RYR1: variants seen among roughly 807,000 people sequenced by gnomAD.
RYR1 encodes ryanodine receptor 1, also known as central core disease of muscle.
RYR1 carries 342 observed loss-of-function variants against 583.5 expected under a neutral mutation model. That is an observed-to-expected ratio of 0.59 (90% CI 0.54 to 0.64). The LOEUF (loss-of-function observed/expected upper bound fraction) is 0.64. Among genes scored for constraint, RYR1 ranks in the 30% least tolerant of loss-of-function variants. RYR1 has a pLI of 0.00. For synonymous variants in RYR1, 2,791 were observed against 2,822.5 expected (o/e 0.99, Z 0.35); for missense variants, 6,032 against 6,917.2 (o/e 0.87, Z 4.54).
At position 38,455,713 on chromosome 19, in the gene RYR1, A is replaced by C. The variant is rs200770015; in HGVS notation, c.1753A>C (p.Ile585Leu). The change falls in exon 16 of 106, where the codon ATC (isoleucine) becomes CTC (leucine). Residue 585 changes from isoleucine to leucine, a missense_variant. Physicochemically the swap from Ile to Leu is conservative, Grantham distance 5 (BLOSUM62 2). Coordinates refer to ENST00000359596, the MANE Select transcript of RYR1 (RefSeq NM_000540.3). ...NIIQENHIKS[I>L]ISLLDKHGRN... ...CATCCAGGAGAATCACATCAAGTCC[A>C]TCATCTCCCTCCTGGACAAGCATGG... 6.2e-7 allele frequency: 1 copy of C among 1,613,506 alleles called. No homozygotes were observed. Among genetic ancestry groups the C allele is most frequent in the Non-Finnish European group, 8.5e-7 (1 of 1,179,638 alleles).
chr19:38,524,868 G>A (rs550928981), intron 70 of RYR1, among the ~76,000 whole-genome samples: 23 of 152,148 alleles, frequency 1.5e-4, no homozygotes, highest in Non-Finnish European at 2.5e-4. Flanking sequence ...TTGTACTGGG[G>A]TTCCTAGGGG....
At chr19:38,517,847 C>T (rs748386434) in intron 66 of RYR1, among the ~76,000 whole-genome samples, 156 bp downstream of exon 66, 1 of 152,076 alleles carries the variant, frequency 6.6e-6, no homozygotes, top group East Asian at 1.9e-4. Flanking sequence ...AGCTGGGCAC[C>T]GTGGCTCACA....
In RYR1 at chr19:38,525,317, C is replaced by T. The variant is rs1164147308; in HGVS notation, c.10456-15C>T. 2 of 1,613,756 alleles carry T rather than the reference C, an allele frequency of 1.2e-6. No individual in the cohort carries two copies. The highest frequency in any genetic ancestry group is 1.1e-5 in the South Asian group (1 of 91,078). On this transcript the variant is annotated splice_polypyrimidine_tract_variant and intron_variant, in intron 70 of 105. Transcript: ENST00000359596. ...ATTGGGGCTTGGGCTGGTGCTGAGC[C>T]CTGTGTCCCCACAGTCCGGTGGCTC...
intron 88 of RYR1, among the ~76,000 whole-genome samples, chr19:38,548,004 C>T (rs2145789474): frequency 6.6e-6 from 1 of 152,290 alleles, no homozygotes; most frequent in African/African-American, 2.4e-5. Context: ...TGAGCCACCA[C>T]GTCCGACCTG....
intron 89 of RYR1, among the ~76,000 whole-genome samples, chr19:38,557,647 T>C (rs1292061163): frequency 6.6e-6 from 1 of 151,908 alleles, no homozygotes. Context: ...CTACAAAAAA[T>C]ACAAAAATTA....
At chr19:38,515,414 A>G (rs1970921101) in intron 64 of RYR1, among the ~76,000 whole-genome samples, 1 of 152,220 alleles carries the variant, frequency 6.6e-6, no homozygotes, top group South Asian at 2.1e-4. Context: ...GGCCCCTGGC[A>G]GTGGCCATGT....
rs142474192 is a variant in RYR1 at position 38,443,790 on chromosome 19, G to T, written c.418G>T (p.Ala140Ser). ...LAFDVGLQED[A>S]TGEACWWTMH... ...CTTCGATGTGGGACTGCAGGAGGAC[G>T]CAACAGGTGCAGCAGCTGGAGGGGA... Residue 140 changes from alanine to serine, a missense_variant, in exon 5 of 106, where the codon GCA becomes TCA. Coordinates refer to ENST00000359596, the MANE Select transcript of RYR1 (RefSeq NM_000540.3). 5 of 1,614,092 alleles carry T rather than the reference G, an allele frequency of 3.1e-6. No homozygotes were observed. The highest frequency in any genetic ancestry group is 4.2e-6 in the Non-Finnish European group (5 of 1,179,980).
intron 92 of RYR1, among the ~76,000 whole-genome samples, 196 bp from the exon 93 acceptor site, chr19:38,567,558 GCTGTCACTGCCTGGTGTCA>G (rs1214787665): frequency 1.3e-5 from 2 of 152,066 alleles, no homozygotes; most frequent in African/African-American, 4.8e-5. Context: ...ACCACTCTGG[GCTGTCACTGCCTGGTGTCA>G]CTGTCACTGC....
Position 38,536,771 on chromosome 19 carries a change from AT to A in RYR1, c.11608+6del. ...CCAGTCATCAATCGCCAGAACGGTA[AT>A]TCCCCCAGCCCACCCCCGTGCTGTG... On this transcript the variant is annotated splice_donor_5th_base_variant and intron_variant, in intron 83 of 105. Transcript: ENST00000359596. 1.2e-5 allele frequency: 20 copies of A among 1,613,260 alleles called. No homozygotes were observed. The highest frequency in any genetic ancestry group is 1.6e-5 in the Non-Finnish European group (19 of 1,179,722).
In RYR1 at chr19:38,586,569, C is replaced by T. The variant is rs763710371; in HGVS notation, c.15014C>T (p.Thr5005Met). The T allele has an allele frequency of 1.1e-5, 18 of 1,613,994 alleles. 1 individual carries two copies. The highest frequency in any genetic ancestry group is 2.2e-5 in the South Asian group (2 of 91,086). ...ATAAACAAGGATGAGACAGAACACA[C>T]GGGTCAGGTAAGGGGGTGTTAATGG... ...YLINKDETEH[T>M]GQESYVWKMY... Residue 5005 changes from threonine (T) to methionine (M), a missense_variant, in exon 105 of 106, where the codon ACG becomes ATG. Physicochemically the swap from Thr to Met is moderately conservative, Grantham distance 81 (BLOSUM62 -1). This residue lies in a region of RYR1 where 189 missense variants were observed against 350.3 expected (regional missense o/e 0.54). Coordinates refer to ENST00000359596, the MANE Select transcript of RYR1 (RefSeq NM_000540.3).
rs990634339 is a variant in RYR1, at chr19:38,561,864, GC to G, written c.12624+415del. ...ACACCCCTTGCTCACCTTCCCAGTA[GC>G]CCCCGGCGTGCCGTCTCTTGGTCCT... is the stretch of plus-strand genomic sequence containing the variant. On this transcript the variant is annotated intron_variant, in intron 90 of 105. Transcript: ENST00000359596. The surrounding 1 kb of genome is among the most constrained non-coding windows in gnomAD (Gnocchi z 4.8). Among the ~76,000 whole-genome samples the G allele has an allele frequency of 3.3e-5, 5 of 152,156 alleles. No individual in the cohort carries two copies. The South Asian group carries it at 1.0e-3, about 32-fold the overall frequency.
intron 88 of RYR1, among the ~76,000 whole-genome samples, chr19:38,547,105 T>G (rs1162045603): frequency 2.0e-5 from 3 of 151,070 alleles, no homozygotes; most frequent in Admixed American, 1.3e-4. Context: ...GGTGGCGCGA[T>G]CTCGGCTCAC....
At chr19:38,441,016 G>C in intron 2 of RYR1, 152 bp downstream of exon 2, 1 of 696,860 alleles carries the variant, frequency 1.4e-6, no homozygotes, top group East Asian at 2.8e-5. Flanking sequence ...GGCTACCTGA[G>C]GTGGGGAGGG....
chr19:38,502,255 G>A (rs1166335950), intron 47 of RYR1, among the ~76,000 whole-genome samples: 1 of 152,124 alleles, frequency 6.6e-6, no homozygotes, highest in African/African-American at 2.4e-5. Context: ...ATCTGTAATG[G>A]GGTTCATTAA....
chr19:38,567,893 G>A lies in RYR1; in HGVS notation c.13635G>A (p.Leu4545=), dbSNP rs1445211923. ...EEAGGEFWGE[L]EVQRVKFLNY... ...CTGGAGGCGAATTCTGGGGAGAACT[G>A]GAGGTGCAGAGGGTGAAGTTCCTGG... The change falls in exon 93 of 106, where the codon CTG becomes CTA. Residue 4545 remains leucine, a synonymous_variant. Transcript: ENST00000359596. The A allele has an allele frequency of 1.2e-6, 2 of 1,613,630 alleles. No individual in the cohort carries two copies. The highest frequency in any genetic ancestry group is 2.7e-5 in the African/African-American group (2 of 74,888).
chr19:38,471,922 A>G (rs1299302530), intron 27 of RYR1, among the ~76,000 whole-genome samples: 2 of 146,710 alleles, frequency 1.4e-5, no homozygotes, highest in African/African-American at 5.0e-5. Context: ...AAAAAAAAAG[A>G]TTCTGAGAAC....
chr19:38,454,215 T>G (rs565832397), intron 13 of RYR1, among the ~76,000 whole-genome samples: 2 of 152,298 alleles, frequency 1.3e-5, no homozygotes, highest in African/African-American at 4.8e-5. Flanking sequence ...AATTTTTGTA[T>G]TTTTAGTAGA....
rs374482643 is a variant in RYR1, at chr19:38,485,579, C to T, written c.4935-11C>T. ...TCATCTGTCCCTGTCTGTTTCCCAC[C>T]TCTGCTGCAGGTGCATGGACATCCT... On this transcript the variant is annotated splice_polypyrimidine_tract_variant and intron_variant, in intron 33 of 105. Transcript: ENST00000359596. 1 of 1,607,798 alleles carries T rather than the reference C, an allele frequency of 6.2e-7. No homozygotes were observed. The highest frequency in any genetic ancestry group is 8.5e-7 in the Non-Finnish European group (1 of 1,179,928).
Position 38,519,195 on chromosome 19 carries a change from G to A in RYR1, c.10019-19G>A, listed in dbSNP as rs1568530506. On this transcript the variant is annotated intron_variant, in intron 66 of 105. Coordinates refer to ENST00000359596, the MANE Select transcript of RYR1 (RefSeq NM_000540.3). ...GTCAGAGGCCGGAGGTGGCATCAGA[G>A]CCCATCGCACCCCTGCAGTGTTCGC... is the stretch of plus-strand genomic sequence containing the variant. 6.2e-7 allele frequency: 1 copy of A among 1,614,026 alleles called. No individual in the cohort carries two copies.
Sources: gnomAD v4.1 joint callset for allele counts (sites outside exome capture counted in the v4.1 genomes callset) on GRCh38, gnomAD v4.1.1 for gene constraint, gnomAD v4.1.1 regional missense constraint, Gnocchi (gnomAD v3.1) non-coding constraint, MANE v1.5 for transcripts, NCBI Gene and HGNC (gene_info 2026-07-23, HGNC 2026-07-21) for gene names.